TMEM132D: variants seen among roughly 807,000 people sequenced by gnomAD.
The protein encoded by TMEM132D is transmembrane protein 132D.
Under a neutral mutation model 62.3 loss-of-function variants are expected in TMEM132D, and 21 were observed. That is an observed-to-expected ratio of 0.34 (90% CI 0.24 to 0.49). The LOEUF (loss-of-function observed/expected upper bound fraction) is 0.49. Ranked by LOEUF, TMEM132D falls within the 20% of genes least tolerant of loss-of-function variation. The probability of loss-of-function intolerance (pLI) is 0.99; values close to 1 mark genes in which losing one functional copy is unlikely to be tolerated. For missense variants in TMEM132D, 1,346 were observed against 1,402.8 expected, an observed-to-expected ratio of 0.96 and a Z score of 0.65; for synonymous variants, 621 against 575.6, an observed-to-expected ratio of 1.08 and a Z score of -1.13.
At chr12:129,567,156 CTT>C (rs368952638) in intron 2 of TMEM132D, among the ~76,000 whole-genome samples, 5 of 152,328 alleles carry the variant, frequency 3.3e-5, no homozygotes, top group Middle Eastern at 3.4e-3. Flanking sequence ...GTATTTGACT[CTT>C]TGTCAACAAT....
chr12:129,332,371 C>G (rs375397746), intron 4 of TMEM132D, among the ~76,000 whole-genome samples: 3 of 152,004 alleles, frequency 2.0e-5, no homozygotes, highest in African/African-American at 7.2e-5. Context: ...GAAAAAAATA[C>G]AAAATATTAA....
At chr12:129,569,027 C>G (rs112539591) in intron 2 of TMEM132D, among the ~76,000 whole-genome samples, 10 of 152,278 alleles carry the variant, frequency 6.6e-5, no homozygotes, top group African/African-American at 2.4e-4. Context: ...ATTTGTACAT[C>G]TAACAAATGC....
intron 3 of TMEM132D, among the ~76,000 whole-genome samples, chr12:129,374,368 A>T (rs979190821): frequency 2.6e-5 from 4 of 152,006 alleles, no homozygotes; most frequent in African/African-American, 9.7e-5. Flanking sequence ...ATTTAACCTT[A>T]ATTACCTTAA....
At chr12:129,727,201 A>G (rs1003648037) in intron 1 of TMEM132D, among the ~76,000 whole-genome samples, 14 of 152,226 alleles carry the variant, frequency 9.2e-5, no homozygotes, top group African/African-American at 2.9e-4. Context: ...AATACCATAC[A>G]CTGGGAATCT....
intron 2 of TMEM132D, among the ~76,000 whole-genome samples, chr12:129,584,823 C>A (rs1007384202): frequency 1.3e-5 from 2 of 152,056 alleles, no homozygotes; most frequent in Non-Finnish European, 2.9e-5. Flanking sequence ...ATGAAATTAC[C>A]GATGGAAAGA....
At chr12:129,122,240 G>A (rs1204079679) in intron 5 of TMEM132D, among the ~76,000 whole-genome samples, 2 of 152,170 alleles carry the variant, frequency 1.3e-5, no homozygotes, top group African/African-American at 4.8e-5. Flanking sequence ...AGCTGAATGT[G>A]TACTGCTCAT....
At chr12:129,260,433 A>G (rs543457292) in intron 4 of TMEM132D, among the ~76,000 whole-genome samples, 2 of 152,340 alleles carry the variant, frequency 1.3e-5, no homozygotes, top group South Asian at 4.1e-4. Flanking sequence ...AGAGCTGAAC[A>G]AGTGACTAGA....
At chr12:129,432,448 T>G (rs1398271355) in intron 3 of TMEM132D, among the ~76,000 whole-genome samples, 1 of 152,254 alleles carries the variant, frequency 6.6e-6, no homozygotes, top group Non-Finnish European at 1.5e-5. Context: ...CAATGCTGCA[T>G]CTACAAGTGC....
At chr12:129,608,559 T>G (rs1878688049) in intron 2 of TMEM132D, among the ~76,000 whole-genome samples, 1 of 152,208 alleles carries the variant, frequency 6.6e-6, no homozygotes, top group South Asian at 2.1e-4. Flanking sequence ...AATTTTCTTC[T>G]GAAACCTCTA....
chr12:129,210,479 G>A lies in TMEM132D; in HGVS notation c.1300-816C>T, dbSNP rs543140933. ...CACATCCACACTCACCCAAACATGCGTTTTGCTGTAAACCCTTCTTTCATC... is the reference window on the plus strand; with the variant it reads ...CACATCCACACTCACCCAAACATGCATTTTGCTGTAAACCCTTCTTTCATC... On this transcript the variant is annotated intron_variant, in intron 4 of 8. Transcript: ENST00000422113. Among the ~76,000 whole-genome samples the A allele has an allele frequency of 9.9e-4, 150 of 152,282 alleles. 2 individuals are homozygous for A. The South Asian group carries it at 0.029, about 29-fold the overall frequency.
intron 4 of TMEM132D, among the ~76,000 whole-genome samples, chr12:129,249,619 T>C (rs1017684493): frequency 4.6e-5 from 7 of 152,186 alleles, no homozygotes; most frequent in African/African-American, 1.7e-4. Flanking sequence ...GTCTTGGTAA[T>C]AGCGCAGGTA....
Position 129,073,209 on chromosome 12 carries a change from G to GTGTT in TMEM132D, c.*662_*665dup, listed in dbSNP as rs1215993763. ...AAGGGCTCAGAGGATTTGCGTCCAT[G>GTGTT]TGTTTGTCCTTGGCATGTAGTTACA... is the stretch of plus-strand genomic sequence containing the variant. On this transcript the variant is annotated 3_prime_UTR_variant, in exon 9 of 9. Transcript: ENST00000422113. 2 of 152,274 alleles carry GTGTT rather than the reference G, an allele frequency of 1.3e-5. No individual in the cohort carries two copies. Among genetic ancestry groups the GTGTT allele is most frequent in the African/African-American group, 2.4e-5 (1 of 41,460 alleles). 9.4% of individuals were successfully genotyped at this position (152,274 alleles called of 1,614,324 possible).
intron 1 of TMEM132D, among the ~76,000 whole-genome samples, chr12:129,836,034 C>T (rs1872992502): frequency 6.6e-6 from 1 of 152,198 alleles, no homozygotes; most frequent in African/African-American, 2.4e-5. Flanking sequence ...TCTGTTATGT[C>T]CTGGGATGTC....
Position 129,449,396 on chromosome 12 carries a change from C to A in TMEM132D, c.1115+81663G>T, listed in dbSNP as rs117389410. ...AACCAACCAGCTCAGCTTCTAATCA[C>A]CGTGCAGAGTTAGGTAAGGCTGTAG... On this transcript the variant is annotated intron_variant, in intron 3 of 8. Transcript: ENST00000422113. 3.9e-5 allele frequency among the ~76,000 whole-genome samples: 6 copies of A among 152,282 alleles called. No individual in the cohort carries two copies. In the East Asian group the frequency reaches 1.2e-3, roughly 29 times the overall value.
At chr12:129,740,986 AC>A (rs1869588939) in intron 1 of TMEM132D, among the ~76,000 whole-genome samples, 1 of 152,192 alleles carries the variant, frequency 6.6e-6, no homozygotes, top group African/African-American at 2.4e-5. Flanking sequence ...ATTATGTCCA[AC>A]AGAAGGCTTT....
intron 2 of TMEM132D, chr12:129,683,160 T>C (rs973380023): frequency 6.6e-6 from 1 of 151,914 alleles, no homozygotes; most frequent in South Asian, 2.1e-4. Context: ...AATCTCGCAG[T>C]ATCAGTGACT....
chr12:129,815,283 T>C (rs980508317), intron 1 of TMEM132D, among the ~76,000 whole-genome samples: 5 of 152,178 alleles, frequency 3.3e-5, no homozygotes, highest in African/African-American at 9.7e-5. Context: ...CAGAATGCAT[T>C]GTTGAGTGAA....
At chr12:129,265,871 T>G (rs11060229) in intron 4 of TMEM132D, among the ~76,000 whole-genome samples, 259 of 152,204 alleles carry the variant, frequency 1.7e-3, no homozygotes, top group Non-Finnish European at 3.0e-3. Context: ...AATCTTTCTC[T>G]TCTACTTTGT....
intron 5 of TMEM132D, among the ~76,000 whole-genome samples, chr12:129,190,777 T>C (rs1247339901): frequency 6.6e-6 from 1 of 152,192 alleles, no homozygotes; most frequent in African/African-American, 2.4e-5. Flanking sequence ...AACACATTTG[T>C]GTTGTTTTAA....
Sources: gnomAD v4.1 joint callset for allele counts (sites outside exome capture counted in the v4.1 genomes callset) on GRCh38, gnomAD v4.1.1 for gene constraint, MANE v1.5 for transcripts, NCBI Gene and HGNC (gene_info 2026-07-23, HGNC 2026-07-21) for gene names.